Variants in CADPS observed in about 807,000 individuals in gnomAD.
The protein encoded by CADPS is calcium-dependent secretion activator 1.
CADPS carries 57 observed loss-of-function variants against 167.3 expected under a neutral mutation model. That is an observed-to-expected ratio of 0.34 (90% CI 0.28 to 0.42). CADPS has a LOEUF of 0.42. Among genes scored for constraint, CADPS ranks in the 20% least tolerant of loss-of-function variants. The probability of loss-of-function intolerance (pLI) is 1.00; values close to 1 mark genes in which losing one functional copy is unlikely to be tolerated. For synonymous variants in CADPS, 676 were observed against 635.3 expected (o/e 1.06, Z -0.96); for missense variants, 1,414 against 1,738.1 (o/e 0.81, Z 3.32).
rs565331647 is a variant in CADPS at position 62,516,236 on chromosome 3, C to A, written c.2458-54G>T. The A allele has an allele frequency of 5.9e-5, 95 of 1,599,660 alleles. 2 individuals are homozygous for A. The South Asian group carries it at 1.0e-3, about 17-fold the overall frequency. On this transcript the variant is annotated intron_variant, in intron 15 of 29. Transcript: ENST00000383710. ...AGAAGGTTCAAGCAAATGTGTCACTCATCCATACTTCTTAGAAGCGTGAAA... is the reference window on the plus strand; with the variant it reads ...AGAAGGTTCAAGCAAATGTGTCACTAATCCATACTTCTTAGAAGCGTGAAA...
chr3:62,872,201 C>T (rs1436925062), intron 1 of CADPS, among the ~76,000 whole-genome samples: 1 of 152,176 alleles, frequency 6.6e-6, no homozygotes, highest in African/African-American at 2.4e-5. Context: ...TTCTCCAAGA[C>T]TAACTTTAGC....
chr3:62,541,294 T>G (rs139858540), intron 11 of CADPS, among the ~76,000 whole-genome samples: 3 of 152,266 alleles, frequency 2.0e-5, no homozygotes, highest in African/African-American at 7.2e-5. Flanking sequence ...GCTATATGAT[T>G]TTATAGGCTC....
At chr3:62,467,355 C>T (rs1560774882) in intron 24 of CADPS, 1 of 1,178,940 alleles carries the variant, frequency 8.5e-7, no homozygotes. Context: ...AAAAAAGGAA[C>T]AGTGCAAATA....
At position 62,420,914 on chromosome 3, in the gene CADPS, A is replaced by ACAC. The variant is rs71123269; in HGVS notation, c.3777+17187_3777+17189dup. ...CACACACACACACAGGCACACACAC[A>ACAC]CACACTTGCCAGATCACTTACCCAA... On this transcript the variant is annotated intron_variant, in intron 28 of 29. Transcript: ENST00000383710. The surrounding 1 kb of genome is among the most constrained non-coding windows in gnomAD (Gnocchi z 4.1). 0.11 allele frequency among the ~76,000 whole-genome samples: 12,770 copies of ACAC among 118,764 alleles called. 620 individuals carry two copies. The highest frequency in any genetic ancestry group is 0.13 in the African/African-American group (4,104 of 31,536). The allele number at this position is 118,764 out of a possible 152,430, so 77.9% of individuals were successfully genotyped here. A position where few individuals can be genotyped will look rare whatever the true frequency, so the allele number is the denominator to read the frequency against.
At chr3:62,626,662 T>TG in intron 6 of CADPS, 1 of 684,266 alleles carries the variant, frequency 1.5e-6, no homozygotes, top group Admixed American at 2.1e-5. Flanking sequence ...TGTTGACGTT[T>TG]GGAGTTCCTT....
chr3:62,819,698 C>T (rs1225952425), intron 1 of CADPS, among the ~76,000 whole-genome samples: 3 of 152,046 alleles, frequency 2.0e-5, no homozygotes, highest in Non-Finnish European at 4.4e-5. Context: ...GGCACTCCAT[C>T]CCTACGTAAC....
intron 6 of CADPS, among the ~76,000 whole-genome samples, chr3:62,635,670 C>T (rs1267163217): frequency 1.3e-5 from 2 of 149,856 alleles, no homozygotes. Context: ...TTTTCCCCTC[C>T]CCAGATATTT....
Position 62,433,575 on chromosome 3 carries a change from G to A in CADPS, c.3777+4529C>T, listed in dbSNP as rs1460956875. 6.6e-6 allele frequency among the ~76,000 whole-genome samples: 1 copy of A among 152,118 alleles called. No homozygotes were observed. Among genetic ancestry groups the A allele is most frequent in the Non-Finnish European group, 1.5e-5 (1 of 68,022 alleles). On this transcript the variant is annotated intron_variant, in intron 28 of 29. Coordinates refer to ENST00000383710, the MANE Select transcript of CADPS (RefSeq NM_003716.4). The surrounding 1 kb of genome is among the most constrained non-coding windows in gnomAD (Gnocchi z 4.7). ...CTCCAGTCAAATGTTCCCTGGGCCT[G>A]GTTCCCAATGACACGGGGCCTGAAG...
intron 1 of CADPS, among the ~76,000 whole-genome samples, chr3:62,844,817 G>T (rs1394711701): frequency 6.6e-6 from 1 of 152,162 alleles, no homozygotes; most frequent in Admixed American, 6.5e-5. Context: ...AGAGAAAGTT[G>T]TGGTCAAACT....
chr3:62,597,554 T>C (rs2148939393), intron 6 of CADPS, among the ~76,000 whole-genome samples: 1 of 152,248 alleles, frequency 6.6e-6, no homozygotes, highest in African/African-American at 2.4e-5. Flanking sequence ...TGTGGATGGA[T>C]TTCTTGGCAT....
intron 6 of CADPS, among the ~76,000 whole-genome samples, chr3:62,618,173 G>C (rs1309376407): frequency 6.6e-6 from 1 of 152,090 alleles, no homozygotes; most frequent in Non-Finnish European, 1.5e-5. Flanking sequence ...CAAGCCATGA[G>C]TTACTGGTAG....
intron 3 of CADPS, among the ~76,000 whole-genome samples, chr3:62,690,121 A>T (rs1389466652): frequency 6.6e-6 from 1 of 151,924 alleles, no homozygotes; most frequent in Non-Finnish European, 1.5e-5. Flanking sequence ...TTTTTAATGG[A>T]AATTTTTGGC....
At chr3:62,599,400 C>G (rs1461188522) in intron 6 of CADPS, among the ~76,000 whole-genome samples, 1 of 146,682 alleles carries the variant, frequency 6.8e-6, no homozygotes, top group African/African-American at 2.5e-5. Context: ...ATATTTCTGA[C>G]AAATCACAGA....
chr3:62,618,939 A>T (rs2062752743), intron 6 of CADPS, among the ~76,000 whole-genome samples: 5 of 152,218 alleles, frequency 3.3e-5, no homozygotes, highest in Admixed American at 3.3e-4. Context: ...GTTGTATAAT[A>T]ATCTTATCTT....
intron 3 of CADPS, among the ~76,000 whole-genome samples, chr3:62,675,958 C>T (rs759270073): frequency 6.6e-6 from 1 of 151,224 alleles, no homozygotes; most frequent in Non-Finnish European, 1.5e-5. Flanking sequence ...CTGTAAAATC[C>T]TCCCCAATTA....
intron 7 of CADPS, among the ~76,000 whole-genome samples, chr3:62,586,817 A>G (rs1301047399): frequency 2.6e-5 from 4 of 152,224 alleles, no homozygotes; most frequent in Non-Finnish European, 5.9e-5. Flanking sequence ...TTGTATTAAT[A>G]TATTACCTTA....
intron 11 of CADPS, among the ~76,000 whole-genome samples, chr3:62,536,872 A>G (rs2074785344): frequency 6.6e-6 from 1 of 152,180 alleles, no homozygotes; most frequent in African/African-American, 2.4e-5. Flanking sequence ...TAAGACCGTA[A>G]CTTCGCCTGC....
At chr3:62,581,269 C>G (rs1448881259) in intron 8 of CADPS, among the ~76,000 whole-genome samples, 1 of 152,082 alleles carries the variant, frequency 6.6e-6, no homozygotes, top group Non-Finnish European at 1.5e-5. Context: ...CTTGCTCATT[C>G]TGCTGGCATT....
intron 2 of CADPS, among the ~76,000 whole-genome samples, chr3:62,760,479 C>T (rs2085125697): frequency 6.6e-6 from 1 of 152,044 alleles, no homozygotes; most frequent in African/African-American, 2.4e-5. Flanking sequence ...AGCCTTGAAC[C>T]TCTGGCCCCA....
Sources: gnomAD v4.1 joint callset for allele counts (sites outside exome capture counted in the v4.1 genomes callset) on GRCh38, gnomAD v4.1.1 for gene constraint, Gnocchi (gnomAD v3.1) non-coding constraint, MANE v1.5 for transcripts, NCBI Gene and HGNC (gene_info 2026-07-23, HGNC 2026-07-21) for gene names.